The following TNRC6B variants were observed in gnomAD, a reference collection of about 807,000 sequenced individuals.
TNRC6B encodes trinucleotide repeat containing adaptor 6B.
TNRC6B carries 52 observed loss-of-function variants against 203.6 expected under a neutral mutation model. The ratio of observed to expected loss-of-function variants is 0.26; its 90% CI spans 0.20 to 0.32. TNRC6B has a LOEUF of 0.32. Ranked by LOEUF, TNRC6B falls within the 10% of genes least tolerant of loss-of-function variation. TNRC6B has a pLI of 1.00. For synonymous variants in TNRC6B, 838 were observed against 845.7 expected (o/e 0.99, Z 0.16); for missense variants, 1,923 against 2,286.2 (o/e 0.84, Z 3.24).
At chr22:40,060,084 C>T (rs2067836345) in intron 1 of TNRC6B, among the ~76,000 whole-genome samples, 1 of 150,842 alleles carries the variant, frequency 6.6e-6, no homozygotes, top group Admixed American at 6.6e-5. Flanking sequence ...CCGCCTCGAC[C>T]TCCCAAAAGT....
At chr22:40,301,532 A>G in intron 15 of TNRC6B, 199 bp downstream of exon 15, 1 of 596,142 alleles carries the variant, frequency 1.7e-6, no homozygotes, top group Non-Finnish European at 2.9e-6. Context: ...TGGTTACTAA[A>G]TAGCAGAGCC....
chr22:40,234,318 G>C (rs2069919871), intron 1 of TNRC6B, among the ~76,000 whole-genome samples: 1 of 152,098 alleles, frequency 6.6e-6, no homozygotes, highest in African/African-American at 2.4e-5. Flanking sequence ...AGGTTATACT[G>C]TAATTACACA....
intron 3 of TNRC6B, among the ~76,000 whole-genome samples, chr22:40,151,553 G>GGAA (rs145166375): frequency 8.7e-5 from 2 of 22,920 alleles, no homozygotes; most frequent in African/African-American, 5.7e-4. Context: ...AAAAAAAAAA[G>GGAA]AAAAAAGAAA....
chr22:40,099,774 G>T (rs575849206), intron 1 of TNRC6B, among the ~76,000 whole-genome samples: 1 of 151,922 alleles, frequency 6.6e-6, no homozygotes, highest in Admixed American at 6.6e-5. Context: ...TTTTTGAAAC[G>T]GAGTCTCGCT....
rs1203197138 is a variant in TNRC6B, at chr22:40,270,196, G to C, written c.2881G>C (p.Gly961Arg). The change falls in exon 6 of 23, where the codon GGG (glycine) becomes CGG (arginine). Residue 961 changes from glycine (G) to arginine (R), a missense_variant. Coordinates refer to ENST00000454349, the MANE Select transcript of TNRC6B (RefSeq NM_001162501.2). ...GGGTGAGCCAAATGAAAGCAGTCCTGGGTGGGGCGAGATGGATGATACAGG... is the reference window on the plus strand; with the variant it reads ...GGGTGAGCCAAATGAAAGCAGTCCTCGGTGGGGCGAGATGGATGATACAGG... Reference protein sequence around the residue: ...AWGEPNESSPGWGEMDDTGAS... With the variant: ...AWGEPNESSPRWGEMDDTGAS... 7.0e-6 allele frequency: 11 copies of C among 1,566,838 alleles called. No individual in the cohort carries two copies. Among genetic ancestry groups the C allele is most frequent in the Non-Finnish European group, 9.5e-6 (11 of 1,155,308 alleles).
chr22:40,130,741 C>T (rs1025949407), intron 3 of TNRC6B, among the ~76,000 whole-genome samples: 1 of 139,730 alleles, frequency 7.2e-6, no homozygotes, highest in African/African-American at 2.8e-5. Flanking sequence ...CAAGATTGCG[C>T]CGCTGCACTC....
At chr22:40,278,164 T>C in intron 9 of TNRC6B, 120 bp downstream of exon 9, 1 of 779,654 alleles carries the variant, frequency 1.3e-6, no homozygotes, top group Admixed American at 2.1e-5. Flanking sequence ...GAGCACTTAC[T>C]CTTTGTAAGG....
intron 1 of TNRC6B, among the ~76,000 whole-genome samples, chr22:40,095,414 T>C (rs999888983): frequency 3.7e-4 from 57 of 152,140 alleles, no homozygotes; most frequent in African/African-American, 1.3e-3. Flanking sequence ...AAGGTGTGCC[T>C]CATCTAATGA....
rs564675365 is a variant in TNRC6B, at chr22:40,287,260, C to T, written c.3708+1490C>T. Reference sequence around the variant, plus strand: ...CTTGACTCCAGCAGTCCTTCCACCTCAGCCTCCCAAAGCACTGGGATGACA... The same window carrying T: ...CTTGACTCCAGCAGTCCTTCCACCTTAGCCTCCCAAAGCACTGGGATGACA... On this transcript the variant is annotated intron_variant, in intron 12 of 22. Coordinates refer to ENST00000454349, the MANE Select transcript of TNRC6B (RefSeq NM_001162501.2). Among the ~76,000 whole-genome samples the T allele has an allele frequency of 3.5e-4, 53 of 152,350 alleles. 1 individual carries two copies. The highest frequency in any genetic ancestry group is 1.3e-3 in the African/African-American group (52 of 41,584).
At chr22:40,288,478 G>A (rs1021253110) in intron 12 of TNRC6B, among the ~76,000 whole-genome samples, 1 of 152,128 alleles carries the variant, frequency 6.6e-6, no homozygotes, top group Non-Finnish European at 1.5e-5. Context: ...GCTGAGGCAG[G>A]CAGATTGCTT....
chr22:40,087,789 G>A (rs1329614794), intron 1 of TNRC6B, among the ~76,000 whole-genome samples: 1 of 152,174 alleles, frequency 6.6e-6, no homozygotes, highest in Non-Finnish European at 1.5e-5. Flanking sequence ...GAGACTGAGA[G>A]GGAGGCAGGG....
At chr22:40,132,077 G>T (rs2068549816) in intron 3 of TNRC6B, among the ~76,000 whole-genome samples, 1 of 152,214 alleles carries the variant, frequency 6.6e-6, no homozygotes, top group African/African-American at 2.4e-5. Context: ...ACTGGGTGCA[G>T]TGGCTCACGC....
intron 1 of TNRC6B, among the ~76,000 whole-genome samples, chr22:40,088,328 C>G (rs2068118185): frequency 6.6e-6 from 1 of 152,190 alleles, no homozygotes; most frequent in South Asian, 2.1e-4. Flanking sequence ...GGTGTTTGTG[C>G]TCTGTTCTTC....
chr22:40,046,962 T>C (rs1383670490), intron 1 of TNRC6B, among the ~76,000 whole-genome samples: 4 of 152,128 alleles, frequency 2.6e-5, no homozygotes, highest in African/African-American at 9.7e-5. Flanking sequence ...TGTTTTCAAG[T>C]CGGAGCAATA....
chr22:40,258,913 T>C (rs2070328693), intron 3 of TNRC6B, among the ~76,000 whole-genome samples: 1 of 152,216 alleles, frequency 6.6e-6, no homozygotes. Flanking sequence ...TCTTGTTGTT[T>C]TTCTGGATTG....
intron 2 of TNRC6B, chr22:40,246,306 C>A: frequency 3.0e-6 from 1 of 338,956 alleles, no homozygotes; most frequent in Non-Finnish European, 5.5e-6. Flanking sequence ...GCTCCTCTCT[C>A]AGCCTCCTGA....
intron 1 of TNRC6B, among the ~76,000 whole-genome samples, chr22:40,074,507 G>A (rs1048368655): frequency 7.9e-5 from 12 of 152,058 alleles, no homozygotes; most frequent in Admixed American, 2.6e-4. Context: ...GGCTGGGCGC[G>A]GTGGCTCACG....
chr22:40,098,625 G>T (rs991958728), intron 1 of TNRC6B, among the ~76,000 whole-genome samples: 1 of 152,000 alleles, frequency 6.6e-6, no homozygotes, highest in Admixed American at 6.6e-5. Flanking sequence ...TTACTCCCTT[G>T]GGGTGGGTTT....
rs769971431 is a variant in TNRC6B, at chr22:40,331,556, C to T, written c.*8315C>T. 64 of 372,586 alleles carry T rather than the reference C, an allele frequency of 1.7e-4. No homozygotes were observed. Among genetic ancestry groups the T allele is most frequent in the Non-Finnish European group, 2.6e-4 (55 of 208,624 alleles). The allele number at this position is 372,586 out of a possible 1,614,324, so 23.1% of individuals were successfully genotyped here. On this transcript the variant is annotated 3_prime_UTR_variant, in exon 23 of 23. Transcript: ENST00000454349. ...ACAGGGAGGAGAGATGCTGCTTCTG[C>T]GCTTTGCTCTCATTCCTCTCTCATG...
Sources: allele counts gnomAD v4.1 joint callset (sites outside exome capture counted in the v4.1 genomes callset), GRCh38; gene constraint gnomAD v4.1.1; transcripts MANE v1.5; gene names NCBI Gene and HGNC (gene_info 2026-07-23, HGNC 2026-07-21).